Variants in ZBBX observed in about 807,000 individuals in gnomAD.
ZBBX encodes zinc finger B-box domain containing, also known as zinc finger B-box domain-containing protein 1.
Under a neutral mutation model 108.5 loss-of-function variants are expected in ZBBX, and 101 were observed. The ratio of observed to expected loss-of-function variants is 0.93; its 90% CI spans 0.79 to 1.10. The LOEUF (loss-of-function observed/expected upper bound fraction) is 1.10, where lower values mean the gene tolerates loss of function less well. ZBBX is among the 50% of genes least tolerant of loss of function. The pLI is 0.00. For synonymous variants in ZBBX, 356 were observed against 323.4 expected, an observed-to-expected ratio of 1.10 and a Z score of -1.08; for missense variants, 1,009 against 941.4, an observed-to-expected ratio of 1.07 and a Z score of -0.94.
At chr3:167,276,898 G>T (rs573424294) in intron 20 of ZBBX, among the ~76,000 whole-genome samples, 5 of 152,094 alleles carry the variant, frequency 3.3e-5, no homozygotes, top group African/African-American at 1.2e-4. Context: ...CGGATCTCTC[G>T]GTAGAAACTC....
the ZBBX span, among the ~76,000 whole-genome samples, chr3:167,195,318 A>G: frequency 6.6e-6 from 1 of 152,210 alleles, no homozygotes; most frequent in African/African-American, 2.4e-5. Flanking sequence ...TTAACCATTC[A>G]AATTTACTCT....
At chr3:167,190,931 T>C in the ZBBX span, among the ~76,000 whole-genome samples, 1 of 152,180 alleles carries the variant, frequency 6.6e-6, no homozygotes, top group Non-Finnish European at 1.5e-5. Flanking sequence ...TTATCTTCAC[T>C]AAGGCATGGC....
intron 19 of ZBBX, among the ~76,000 whole-genome samples, chr3:167,286,627 G>T (rs926908118): frequency 6.6e-6 from 1 of 152,060 alleles, no homozygotes; most frequent in African/African-American, 2.4e-5. Flanking sequence ...GTTTAGTGTT[G>T]GGCTTGATTT....
chr3:167,293,043 T>C (rs1193387387), intron 18 of ZBBX, among the ~76,000 whole-genome samples: 4 of 152,142 alleles, frequency 2.6e-5, no homozygotes, highest in African/African-American at 9.7e-5. Context: ...AATTCTGAAA[T>C]TGAGGCAGCA....
At chr3:167,266,879 C>T (rs1442492778) in intron 20 of ZBBX, among the ~76,000 whole-genome samples, 1 of 152,126 alleles carries the variant, frequency 6.6e-6, no homozygotes, top group Non-Finnish European at 1.5e-5. Context: ...CGTGAGAAGG[C>T]ACGCCCCGCC....
chr3:167,309,259 C>A (rs1734182416), intron 16 of ZBBX, among the ~76,000 whole-genome samples: 1 of 152,196 alleles, frequency 6.6e-6, no homozygotes, highest in African/African-American at 2.4e-5. Flanking sequence ...TCTAACACCA[C>A]TGGCTTGCAT....
At chr3:167,183,963 A>C in the ZBBX span, among the ~76,000 whole-genome samples, 3 of 152,238 alleles carry the variant, frequency 2.0e-5, no homozygotes, top group Admixed American at 1.3e-4. Flanking sequence ...TTTTTAATCT[A>C]CAGTAAAGAC....
At chr3:167,182,958 C>T in the ZBBX span, among the ~76,000 whole-genome samples, 2 of 152,178 alleles carry the variant, frequency 1.3e-5, no homozygotes, top group African/African-American at 2.4e-5. Context: ...ATCTAGCTTG[C>T]TGAATTCCTG....
At chr3:167,182,643 G>C in the ZBBX span, among the ~76,000 whole-genome samples, 1 of 152,142 alleles carries the variant, frequency 6.6e-6, no homozygotes, top group African/African-American at 2.4e-5. Context: ...GGTTGGGCCT[G>C]GGCATTGCAA....
At chr3:167,373,483 C>T (rs1746474954) in intron 3 of ZBBX, among the ~76,000 whole-genome samples, 1 of 152,148 alleles carries the variant, frequency 6.6e-6, no homozygotes, top group African/African-American at 2.4e-5. Context: ...CCTTCAACAA[C>T]ATAAGGGTTA....
intron 11 of ZBBX, among the ~76,000 whole-genome samples, chr3:167,323,236 A>AGG (rs1491589310): frequency 4.3e-5 from 1 of 23,082 alleles, no homozygotes; most frequent in African/African-American, 2.2e-4. Context: ...GAGAGCTAAA[A>AGG]GAGGGGGGGG....
At chr3:167,314,280 A>G (rs754209580) in intron 15 of ZBBX, among the ~76,000 whole-genome samples, 164 bp from the exon 16 acceptor site, 1 of 152,212 alleles carries the variant, frequency 6.6e-6, no homozygotes, top group Non-Finnish European at 1.5e-5. Flanking sequence ...ATTCTCAACT[A>G]TAAGTAACTA....
rs766072768 is a variant in ZBBX, at chr3:167,375,214, C to T, written c.-131-1427G>A. On this transcript the variant is annotated intron_variant, in intron 2 of 21. Coordinates refer to ENST00000675490, the MANE Select transcript of ZBBX (RefSeq NM_001199201.2). ...AAATAAGTGGTTCTTCATCGTTGTT[C>T]CTTTGGGAGACTATCTTATATTTCA... is the stretch of plus-strand genomic sequence containing the variant. Among the ~76,000 whole-genome samples the T allele has an allele frequency of 1.6e-4, 24 of 152,158 alleles. 1 individual carries two copies. Among genetic ancestry groups the T allele is most frequent in the Admixed American group, 1.2e-3 (19 of 15,276 alleles).
chr3:167,284,121 T>A (rs1729291047), intron 19 of ZBBX, among the ~76,000 whole-genome samples: 1 of 151,662 alleles, frequency 6.6e-6, no homozygotes, highest in Non-Finnish European at 1.5e-5. Context: ...ACTGATCTTT[T>A]GTGTCTATTT....
chr3:167,266,128 T>G (rs549263660), intron 20 of ZBBX, among the ~76,000 whole-genome samples: 1 of 152,316 alleles, frequency 6.6e-6, no homozygotes, highest in Admixed American at 6.5e-5. Context: ...AATTTGGTGT[T>G]CCAGTGTCGG....
At chr3:167,327,138 TAAA>T (rs547596997) in intron 11 of ZBBX, among the ~76,000 whole-genome samples, 2 of 115,258 alleles carry the variant, frequency 1.7e-5, no homozygotes, top group African/African-American at 6.4e-5. Flanking sequence ...AGCGAAATTA[TAAA>T]AAAAAAAAAA....
In ZBBX at chr3:167,348,354, A is replaced by AAGAAAGAAAG. The variant is rs1553832866; in HGVS notation, c.528+2056_528+2065dup. On this transcript the variant is annotated intron_variant, in intron 9 of 21. Coordinates refer to ENST00000675490, the MANE Select transcript of ZBBX (RefSeq NM_001199201.2). ...AAAGAAAGAAAGAAAGAAAGAAAGAAAGAAAGAAAGAAAGAAAAAAAAGAA... is the reference window on the plus strand; with the variant it reads ...AAAGAAAGAAAGAAAGAAAGAAAGAAAGAAAGAAAGAGAAAGAAAGAAAGAAAAAAAAGAA... Among the ~76,000 whole-genome samples, 214 of 69,604 alleles carry AAGAAAGAAAG rather than the reference A, an allele frequency of 3.1e-3. 1 individual carries two copies. The highest frequency in any genetic ancestry group is 9.8e-3 in the Middle Eastern group (1 of 102). The allele number at this position is 69,604 out of a possible 152,430, so 45.7% of individuals were successfully genotyped here. A position where few individuals can be genotyped will look rare whatever the true frequency, so the allele number is the denominator to read the frequency against.
chr3:167,245,830 A>G (rs553573336), intron 20 of ZBBX, among the ~76,000 whole-genome samples: 4 of 151,542 alleles, frequency 2.6e-5, no homozygotes, highest in Admixed American at 2.6e-4. Context: ...TTTTTTTTTT[A>G]TAAGTTGTAA....
intron 20 of ZBBX, among the ~76,000 whole-genome samples, chr3:167,254,669 G>T (rs144628654): frequency 0.014 from 2,121 of 152,118 alleles, 27 homozygotes; most frequent in South Asian, 0.026. Context: ...AAGCCTAATG[G>T]AACAGAAAAG....
Sources: gnomAD v4.1 joint callset for allele counts (sites outside exome capture counted in the v4.1 genomes callset) on GRCh38, gnomAD v4.1.1 for gene constraint, MANE v1.5 for transcripts, NCBI Gene and HGNC (gene_info 2026-07-23, HGNC 2026-07-21) for gene names.